The following SLC35E1 variants were observed in gnomAD, a reference collection of about 807,000 sequenced individuals.
The protein encoded by SLC35E1 is solute carrier family 35 member E1, also known as solute carrier family 35, member E1.
A neutral mutation model predicts 31.0 loss-of-function variants in SLC35E1; 12 were observed. That is an observed-to-expected ratio of 0.39 (90% CI 0.25 to 0.63). The LOEUF (loss-of-function observed/expected upper bound fraction) is 0.63. Ranked by LOEUF, SLC35E1 falls within the 20% of genes least tolerant of loss-of-function variation. The pLI is 0.52. For synonymous variants in SLC35E1, 257 were observed against 264.1 expected (o/e 0.97, Z 0.26); for missense variants, 429 against 572.2 (o/e 0.75, Z 2.55).
chr19:16,555,577 T>G lies in SLC35E1; in HGVS notation c.757-180A>C. On this transcript the variant is annotated intron_variant, in intron 4 of 5. Coordinates refer to ENST00000595753, the MANE Select transcript of SLC35E1 (RefSeq NM_024881.5). This position sits in a 1 kb window ranked among gnomAD's most constrained non-coding sequence, Gnocchi z 4.1. ...CACTAGGTGCTTTAGGTCCATGACC[T>G]CAGAACCTCATGACACCACACAGCA... The G allele has an allele frequency of 1.4e-6, 1 of 734,770 alleles. No individual in the cohort carries two copies. The highest frequency in any genetic ancestry group is 2.2e-6 in the Non-Finnish European group (1 of 462,742). The allele number at this position is 734,770 out of a possible 1,614,324, so 45.5% of individuals were successfully genotyped here.
chr19:16,564,563 C>T (rs1568273931), intron 4 of SLC35E1, among the ~76,000 whole-genome samples: 1 of 152,126 alleles, frequency 6.6e-6, no homozygotes, highest in Non-Finnish European at 1.5e-5. Context: ...ACCTCGGCCT[C>T]CCAAAGTGCT....
At chr19:16,571,340 G>A (rs1434121110) in intron 2 of SLC35E1, among the ~76,000 whole-genome samples, 172 bp downstream of exon 2, 1 of 152,144 alleles carries the variant, frequency 6.6e-6, no homozygotes, top group African/African-American at 2.4e-5. Flanking sequence ...CTGCTCACAG[G>A]GTGATTCTAG....
chr19:16,554,188 C>T (rs573491425), intron 5 of SLC35E1, among the ~76,000 whole-genome samples: 181 of 150,952 alleles, frequency 1.2e-3, no homozygotes, highest in African/African-American at 4.2e-3. Flanking sequence ...ATCACTTGAA[C>T]CCAGGAGGCG....
Position 16,572,218 on chromosome 19 carries a change from C to T in SLC35E1, c.147G>A (p.Lys49=). ...GGAACGGGAAGGCGCTCAGGATCAC[C>T]TTGTTGACCACGTTGCCGCCCGCGC... ...ALSAGGNVVN[K]VILSAFPFPV... is the part of the protein sequence containing the mutation. The change falls in exon 1 of 6, where the codon AAG becomes AAA. Residue 49 remains lysine, a synonymous_variant. Transcript: ENST00000595753. This position sits in a 1 kb window ranked among gnomAD's most constrained non-coding sequence, Gnocchi z 4.1. 3 of 1,528,616 alleles carry T rather than the reference C, an allele frequency of 2.0e-6. No individual in the cohort carries two copies. The highest frequency in any genetic ancestry group is 2.6e-6 in the Non-Finnish European group (3 of 1,136,992). 94.7% of individuals were successfully genotyped at this position (1,528,616 alleles called of 1,614,324 possible).
Position 16,572,250 on chromosome 19 carries a change from C to T in SLC35E1, c.115G>A (p.Ala39Thr). ...RVAALCLLWY[A>T]LSAGGNVVNK... Reference sequence around the variant, plus strand: ...ACCACGTTGCCGCCCGCGCTCAGCGCGTACCACAGCAGGCACAGCGCCGCC... The same window carrying T: ...ACCACGTTGCCGCCCGCGCTCAGCGTGTACCACAGCAGGCACAGCGCCGCC... The change falls in exon 1 of 6, where the codon GCG becomes ACG. Residue 39 changes from alanine to threonine, a missense_variant. By Grantham distance (58) the Ala-to-Thr change is moderately conservative (BLOSUM62 0). Coordinates refer to ENST00000595753, the MANE Select transcript of SLC35E1 (RefSeq NM_024881.5). This position sits in a 1 kb window ranked among gnomAD's most constrained non-coding sequence, Gnocchi z 4.1. 6.6e-7 allele frequency: 1 copy of T among 1,519,132 alleles called. No individual in the cohort carries two copies. Among genetic ancestry groups the T allele is most frequent in the South Asian group, 1.2e-5 (1 of 81,228 alleles). The allele number at this position is 1,519,132 out of a possible 1,614,324, so 94.1% of individuals were successfully genotyped here.
intron 4 of SLC35E1, chr19:16,566,262 CCTT>C (rs1232977449): frequency 4.8e-6 from 2 of 416,080 alleles, no homozygotes; most frequent in Middle Eastern, 6.6e-4. Flanking sequence ...GAAAGAGTCA[CCTT>C]CTCTTCCTTG....
At chr19:16,559,432 C>A (rs1228268274) in intron 4 of SLC35E1, among the ~76,000 whole-genome samples, 1 of 149,888 alleles carries the variant, frequency 6.7e-6, no homozygotes, top group Non-Finnish European at 1.5e-5. Flanking sequence ...CCAGACTGGG[C>A]AATATGGCAA....
chr19:16,563,414 AT>A (rs1568273623), intron 4 of SLC35E1, among the ~76,000 whole-genome samples: 1 of 152,220 alleles, frequency 6.6e-6, no homozygotes, highest in East Asian at 1.9e-4. Context: ...AAATTTGCTT[AT>A]ATTTGCAAAA....
chr19:16,562,626 T>TTTG (rs34632359), intron 4 of SLC35E1, among the ~76,000 whole-genome samples: 2 of 1,472 alleles, frequency 1.4e-3, no homozygotes, highest in South Asian at 0.062. Flanking sequence ...ATTATAGTAT[T>TTTG]TTGTTTTTCT....
chr19:16,571,679 C>A, intron 1 of SLC35E1, 97 bp from the exon 2 acceptor site: 1 of 1,321,044 alleles, frequency 7.6e-7, no homozygotes, highest in Non-Finnish European at 1.1e-6. Flanking sequence ...GGCAGCCCCT[C>A]ACACCTCTTC....
chr19:16,567,880 A>G (rs575406706), intron 3 of SLC35E1, 152 bp downstream of exon 3: 5 of 1,216,932 alleles, frequency 4.1e-6, no homozygotes, highest in Non-Finnish European at 4.5e-6. Flanking sequence ...TAAAAAGCAA[A>G]ATGACAAACA....
Position 16,572,116 on chromosome 19 carries a change from G to A in SLC35E1, c.249C>T (p.Pro83=), listed in dbSNP as rs1367143776. Residue 83 remains proline, a synonymous_variant, in exon 1 of 6, where the codon CCC becomes CCT. Transcript: ENST00000595753. This position sits in a 1 kb window ranked among gnomAD's most constrained non-coding sequence, Gnocchi z 4.1. The stretch of plus-strand genomic sequence containing the variant: ...CGGGGCCCGAGACGGGCGGCGCGGG[G>A]GGCACGCGCCAGGCGCGCAGCAGCG... ...LPPLLRAWRV[P]PAPPVSGPGP... is the part of the protein sequence containing the mutation. 22 of 1,512,462 alleles carry A rather than the reference G, an allele frequency of 1.5e-5. No homozygotes were observed. The highest frequency in any genetic ancestry group is 1.9e-5 in the Non-Finnish European group (22 of 1,131,158). The allele number at this position is 1,512,462 out of a possible 1,614,324, so 93.7% of individuals were successfully genotyped here.
chr19:16,554,670 A>G (rs550790956), intron 5 of SLC35E1, among the ~76,000 whole-genome samples: 2 of 151,816 alleles, frequency 1.3e-5, no homozygotes, highest in South Asian at 2.1e-4. Flanking sequence ...AAAATACAAA[A>G]ATTAGCCAGG....
intron 2 of SLC35E1, among the ~76,000 whole-genome samples, chr19:16,571,095 CAAAA>C (rs57729159): frequency 5.9e-5 from 4 of 67,246 alleles, no homozygotes; most frequent in Admixed American, 1.7e-4. Flanking sequence ...AACTCCGTCT[CAAAA>C]AAAAAAAAAA....
chr19:16,550,094 A>C lies in SLC35E1; in HGVS notation c.*3585T>G, dbSNP rs1037638689. On this transcript the variant is annotated 3_prime_UTR_variant, in exon 6 of 6. Transcript: ENST00000595753. ...AGGACAAATATACAGCAAAATTCAG[A>C]AACTGCAAGTGCTTCCTCACTTGAA... 6.6e-6 allele frequency: 1 copy of C among 152,154 alleles called. No individual in the cohort carries two copies. The highest frequency in any genetic ancestry group is 2.4e-5 in the African/African-American group (1 of 41,414). The allele number at this position is 152,154 out of a possible 1,614,324, so 9.4% of individuals were successfully genotyped here.
At chr19:16,571,822 C>T in intron 1 of SLC35E1, 122 bp downstream of exon 1, 1 of 1,119,552 alleles carries the variant, frequency 8.9e-7, no homozygotes, top group Non-Finnish European at 1.3e-6. Flanking sequence ...AAACCCTTGG[C>T]AGCCCCTCTG....
chr19:16,571,945 G>A lies in SLC35E1; in HGVS notation c.420C>T (p.Thr140=). ...IWKVPVSYAH[T]VKATMPIWVV... ...CCCGAGGCCGGGCGCGGAACCTACC[G>A]GTGTGTGCATAGGACACGGGCACCT... The change falls in exon 1 of 6, where the codon ACC becomes ACT. Residue 140 remains threonine, a splice_region_variant and synonymous_variant. Coordinates refer to ENST00000595753, the MANE Select transcript of SLC35E1 (RefSeq NM_024881.5). 6.5e-7 allele frequency: 1 copy of A among 1,546,494 alleles called. No homozygotes were observed. The highest frequency in any genetic ancestry group is 8.7e-7 in the Non-Finnish European group (1 of 1,145,014).
At chr19:16,566,372 C>A in intron 4 of SLC35E1, 160 bp downstream of exon 4, 1 of 903,068 alleles carries the variant, frequency 1.1e-6, no homozygotes, top group Non-Finnish European at 1.6e-6. Flanking sequence ...TGGCGTGCAT[C>A]GTCACCGTGA....
At chr19:16,564,951 C>T in intron 4 of SLC35E1, 1 of 341,682 alleles carries the variant, frequency 2.9e-6, no homozygotes, top group Admixed American at 4.1e-5. Context: ...GTAATATCCA[C>T]TACTTCAGCA....
Sources: allele counts gnomAD v4.1 joint callset (sites outside exome capture counted in the v4.1 genomes callset), GRCh38; gene constraint gnomAD v4.1.1; non-coding constraint Gnocchi (gnomAD v3.1); transcripts MANE v1.5; gene names NCBI Gene and HGNC (gene_info 2026-07-23, HGNC 2026-07-21).